Variants in ASB5 observed in about 807,000 individuals in gnomAD.
The protein encoded by ASB5 is ankyrin repeat and SOCS box containing 5, also known as ankyrin repeat and SOCS box protein 5.
ASB5 carries 45 observed loss-of-function variants against 42.1 expected under a neutral mutation model. The observed-to-expected ratio is 1.07, with a 90% CI of 0.84 to 1.37. The LOEUF is 1.37. Ranked by LOEUF, ASB5 falls within the 40% of genes most tolerant of loss-of-function variation. The pLI is 0.00. For synonymous variants in ASB5, 147 were observed against 150.6 expected (o/e 0.98, Z 0.18); for missense variants, 402 against 399.8 (o/e 1.01, Z -0.05).
chr4:176,247,830 A>G (rs983582876), intron 1 of ASB5, among the ~76,000 whole-genome samples: 3 of 152,244 alleles, frequency 2.0e-5, no homozygotes, highest in Non-Finnish European at 4.4e-5. Context: ...TCTGTTCACC[A>G]GTAGAAACAC....
chr4:176,222,703 A>AT (rs1267517611), intron 2 of ASB5, among the ~76,000 whole-genome samples: 28 of 151,926 alleles, frequency 1.8e-4, no homozygotes, highest in Admixed American at 1.2e-3. Context: ...CTTTCTTAAT[A>AT]TTTTTTTATC....
intron 1 of ASB5, among the ~76,000 whole-genome samples, chr4:176,226,047 G>C (rs532914567): frequency 6.6e-6 from 1 of 152,366 alleles, no homozygotes; most frequent in East Asian, 1.9e-4. Flanking sequence ...GGATGGATTA[G>C]TGATGGTAAA....
intron 1 of ASB5, among the ~76,000 whole-genome samples, chr4:176,229,400 T>C (rs150817278): frequency 6.6e-6 from 1 of 152,328 alleles, no homozygotes; most frequent in Non-Finnish European, 1.5e-5. Flanking sequence ...GTACTTGATA[T>C]TCCTTCCAGC....
At chr4:176,222,065 A>T (rs562768566) in intron 3 of ASB5, among the ~76,000 whole-genome samples, 63 of 152,350 alleles carry the variant, frequency 4.1e-4, no homozygotes, top group African/African-American at 1.4e-3. Context: ...ATTGCTATTT[A>T]CAGTCATGAA....
intron 1 of ASB5, among the ~76,000 whole-genome samples, chr4:176,254,519 A>T (rs1211900206): frequency 2.1e-5 from 3 of 141,656 alleles, no homozygotes; most frequent in Non-Finnish European, 4.6e-5. Context: ...TTTATGACTA[A>T]GCCCTCAAAA....
At chr4:176,223,660 C>G (rs1179856768) in intron 2 of ASB5, among the ~76,000 whole-genome samples, 2 of 152,122 alleles carry the variant, frequency 1.3e-5, no homozygotes, top group African/African-American at 2.4e-5. Context: ...AAACATAATC[C>G]TTTCAAAGAT....
chr4:176,270,212 A>G (rs1250828698), upstream of ASB5, among the ~76,000 whole-genome samples: 1 of 152,228 alleles, frequency 6.6e-6, no homozygotes, highest in Non-Finnish European at 1.5e-5. Context: ...GCTTAGTTAC[A>G]TATTTCTATG....
At chr4:176,233,337 T>C (rs1753598152) in intron 1 of ASB5, among the ~76,000 whole-genome samples, 1 of 152,224 alleles carries the variant, frequency 6.6e-6, no homozygotes. Flanking sequence ...TATGGATTAC[T>C]CTAATCTACA....
intron 1 of ASB5, among the ~76,000 whole-genome samples, chr4:176,235,627 A>G (rs1382133941): frequency 6.6e-6 from 1 of 152,134 alleles, no homozygotes; most frequent in Non-Finnish European, 1.5e-5. Flanking sequence ...GGGAAATCAA[A>G]TATTATTACT....
At chr4:176,262,361 AG>A (rs1754281057) in intron 1 of ASB5, among the ~76,000 whole-genome samples, 1 of 152,192 alleles carries the variant, frequency 6.6e-6, no homozygotes, top group Non-Finnish European at 1.5e-5. Context: ...ATAAAGCTTT[AG>A]GTAAGAGATA....
At chr4:176,260,883 G>A (rs1754256082) in intron 1 of ASB5, among the ~76,000 whole-genome samples, 1 of 152,056 alleles carries the variant, frequency 6.6e-6, no homozygotes, top group African/African-American at 2.4e-5. Flanking sequence ...CACCTTGCTG[G>A]CCAAGATGGT....
chr4:176,231,471 A>G lies in ASB5; in HGVS notation c.197-6130T>C, dbSNP rs915261655. Reference sequence around the variant, plus strand: ...TACAGTATGTGCCCTGAATTGAAATAAAAGCACTACAATTAGACCTCTGTC... The same window carrying G: ...TACAGTATGTGCCCTGAATTGAAATGAAAGCACTACAATTAGACCTCTGTC... On this transcript the variant is annotated intron_variant, in intron 1 of 6. Coordinates refer to ENST00000296525, the MANE Select transcript of ASB5 (RefSeq NM_080874.4). Among the ~76,000 whole-genome samples the G allele has an allele frequency of 5.3e-5, 8 of 152,042 alleles. No individual in the cohort carries two copies. In the East Asian group the frequency reaches 1.5e-3, roughly 29 times the overall value.
At position 176,217,116 on chromosome 4, in the gene ASB5, G is replaced by A. The variant is rs182539763; in HGVS notation, c.671-107C>T. 2.9e-3 allele frequency: 2,467 copies of A among 847,554 alleles called. 7 individuals carry two copies. Among genetic ancestry groups the A allele is most frequent in the Middle Eastern group, 5.3e-3 (19 of 3,576 alleles). 52.5% of individuals were successfully genotyped at this position (847,554 alleles called of 1,614,324 possible). Reference sequence around the variant, plus strand: ...AGGCAATAGAGGAAGGTTATTAAGGGGACTTCAACTCTATTTGTTATGAGT... The same window carrying A: ...AGGCAATAGAGGAAGGTTATTAAGGAGACTTCAACTCTATTTGTTATGAGT... On this transcript the variant is annotated intron_variant, in intron 5 of 6. Transcript: ENST00000296525.
chr4:176,273,250 T>C (rs920047189), upstream of ASB5, among the ~76,000 whole-genome samples: 1 of 152,200 alleles, frequency 6.6e-6, no homozygotes, highest in African/African-American at 2.4e-5. Flanking sequence ...GACATGTTCC[T>C]AGCCCTAGAA....
In ASB5 at chr4:176,216,994, T is replaced by C. The variant is rs200694424; in HGVS notation, c.686A>G (p.Lys229Arg). 1 of 1,608,194 alleles carries C rather than the reference T, an allele frequency of 6.2e-7. No individual in the cohort carries two copies. The highest frequency in any genetic ancestry group is 1.3e-5 in the African/African-American group (1 of 74,696). ...KLLYAGADVQ[K>R]GKYWDTPLHA... ...TAATGGAGTATCCCAATATTTGCCTTTCTGTACGTCAGCACCTACATGTAA... is the reference window on the plus strand; with the variant it reads ...TAATGGAGTATCCCAATATTTGCCTCTCTGTACGTCAGCACCTACATGTAA... The change falls in exon 6 of 7, where the codon AAA becomes AGA. Residue 229 changes from lysine to arginine, a missense_variant. Coordinates refer to ENST00000296525, the MANE Select transcript of ASB5 (RefSeq NM_080874.4).
In ASB5 at chr4:176,221,455, C is replaced by G; in HGVS notation, c.530G>C (p.Ser177Thr). The change falls in exon 4 of 7, where the codon AGT becomes ACT. Residue 177 changes from serine to threonine, a missense_variant. Coordinates refer to ENST00000296525, the MANE Select transcript of ASB5 (RefSeq NM_080874.4). Reference protein sequence around the residue: ...CLPSPTHEAASKGHHECLDIL... With the variant: ...CLPSPTHEAATKGHHECLDIL... Reference sequence around the variant, plus strand: ...TAATCCCAGAACTAAGTTACCTTTACTGGCGGCCTCATGCGTTGGGGATGG... The same window carrying G: ...TAATCCCAGAACTAAGTTACCTTTAGTGGCGGCCTCATGCGTTGGGGATGG... 6.2e-7 allele frequency: 1 copy of G among 1,612,678 alleles called. No homozygotes were observed. The highest frequency in any genetic ancestry group is 8.5e-7 in the Non-Finnish European group (1 of 1,179,630).
chr4:176,247,587 C>T (rs1753936102), intron 1 of ASB5, among the ~76,000 whole-genome samples: 1 of 152,116 alleles, frequency 6.6e-6, no homozygotes, highest in Non-Finnish European at 1.5e-5. Context: ...ATATAGAACC[C>T]ACTTTCCAAT....
rs149953200 is a variant in ASB5, at chr4:176,225,307, T to C, written c.231A>G (p.Ala77=). Residue 77 remains alanine, a synonymous_variant, in exon 2 of 7, where the codon GCA becomes GCG. Coordinates refer to ENST00000296525, the MANE Select transcript of ASB5 (RefSeq NM_080874.4). ...GAGCAAGAAGGCGACCTTGACTTGC[T>C]GCTTCATGTAGTGGTGATCGATCTG... The part of the protein sequence containing the change: ...SWADRSPLHE[A]ASQGRLLALR... 27 of 1,614,016 alleles carry C rather than the reference T, an allele frequency of 1.7e-5. No homozygotes were observed. Among genetic ancestry groups the C allele is most frequent in the Admixed American group, 3.3e-5 (2 of 60,006 alleles).
intron 5 of ASB5, among the ~76,000 whole-genome samples, chr4:176,218,226 T>TATATATATATTTGTATGATACATAA (rs1753034810): frequency 3.0e-4 from 8 of 27,072 alleles, no homozygotes; most frequent in African/African-American, 7.7e-4. Context: ...ATGATATAAA[T>TATATATATATTTGTATGATACATAA]ATATATATAT....
Sources: allele counts gnomAD v4.1 joint callset (sites outside exome capture counted in the v4.1 genomes callset), GRCh38; gene constraint gnomAD v4.1.1; transcripts MANE v1.5; gene names NCBI Gene and HGNC (gene_info 2026-07-23, HGNC 2026-07-21).